The following TASP1 variants were observed in gnomAD, a reference collection of about 807,000 sequenced individuals.
TASP1 encodes the protein threonine aspartase 1.
In TASP1, 16 loss-of-function variants were observed where a neutral mutation model predicts 56.6. The ratio of observed to expected loss-of-function variants is 0.28; its 90% CI spans 0.19 to 0.43. The LOEUF is 0.43. Among genes scored for constraint, TASP1 ranks in the 20% least tolerant of loss-of-function variants. The pLI is 1.00. For missense variants in TASP1, 393 were observed against 511.6 expected, an observed-to-expected ratio of 0.77 and a Z score of 2.24; for synonymous variants, 179 against 184.2, an observed-to-expected ratio of 0.97 and a Z score of 0.23.
At chr20:13,264,959 G>A in the TASP1 span, among the ~76,000 whole-genome samples, 1 of 152,192 alleles carries the variant, frequency 6.6e-6, no homozygotes, top group African/African-American at 2.4e-5. Flanking sequence ...GATGCTACCA[G>A]AGAAGTGGTA....
At chr20:13,283,194 C>T in the TASP1 span, among the ~76,000 whole-genome samples, 1 of 152,090 alleles carries the variant, frequency 6.6e-6, no homozygotes, top group Non-Finnish European at 1.5e-5. Context: ...TCCCACAGAC[C>T]CACTTTTATT....
chr20:13,290,878 G>T, the TASP1 span, among the ~76,000 whole-genome samples: 3 of 152,164 alleles, frequency 2.0e-5, no homozygotes, highest in Non-Finnish European at 4.4e-5. Context: ...GGATTAACTT[G>T]CCTAGAGTCA....
At position 13,510,565 on chromosome 20, in the gene TASP1, A is replaced by T. The variant is rs193152612; in HGVS notation, c.874+17868T>A. On this transcript the variant is annotated intron_variant, in intron 10 of 13. Coordinates refer to ENST00000337743, the MANE Select transcript of TASP1 (RefSeq NM_017714.3). ...TTGGTAAGAACAGATTTAAATGAAAATTACATGATTTTTTTAACTCTCTAA... is the reference window on the plus strand; with the variant it reads ...TTGGTAAGAACAGATTTAAATGAAATTTACATGATTTTTTTAACTCTCTAA... Among the ~76,000 whole-genome samples the T allele has an allele frequency of 3.0e-3, 453 of 152,286 alleles. 2 individuals carry two copies. The highest frequency in any genetic ancestry group is 5.1e-3 in the Non-Finnish European group (344 of 68,028).
chr20:13,147,093 A>G, the TASP1 span, among the ~76,000 whole-genome samples: 1 of 152,130 alleles, frequency 6.6e-6, no homozygotes, highest in Admixed American at 6.5e-5. Context: ...AGCCCTCGAA[A>G]TCAGGCCATG....
At position 13,623,208 on chromosome 20, in the gene TASP1, T is replaced by A. The variant is rs114180045; in HGVS notation, c.282+238A>T. Among the ~76,000 whole-genome samples the A allele has an allele frequency of 8.1e-3, 1,229 of 152,086 alleles. 21 individuals are homozygous for A. Among genetic ancestry groups the A allele is most frequent in the African/African-American group, 0.028 (1,158 of 41,436 alleles). ...ACTTAAGTATCCAATCCTTAACTTT[T>A]GTATTCATGAATCTCACAAAAAAAA... is the stretch of plus-strand genomic sequence containing the variant. On this transcript the variant is annotated intron_variant, in intron 4 of 13. Transcript: ENST00000337743.
chr20:13,361,774 A>G, the TASP1 span, among the ~76,000 whole-genome samples: 1 of 151,924 alleles, frequency 6.6e-6, no homozygotes, highest in African/African-American at 2.4e-5. Flanking sequence ...TGTTTTTCCA[A>G]GCCATCACAG....
At chr20:13,272,851 T>C in the TASP1 span, among the ~76,000 whole-genome samples, 3,868 of 152,304 alleles carry the variant, frequency 0.025, 155 homozygotes, top group African/African-American at 0.084. Context: ...TTATAGATGT[T>C]CTGGTTCCAG....
chr20:13,294,668 T>C, the TASP1 span, among the ~76,000 whole-genome samples: 8 of 152,092 alleles, frequency 5.3e-5, no homozygotes, highest in Non-Finnish European at 1.0e-4. Flanking sequence ...CTTGCAAAGG[T>C]ACAAGCAGAG....
chr20:13,564,852 A>G (rs942176823), intron 7 of TASP1, among the ~76,000 whole-genome samples: 1 of 151,850 alleles, frequency 6.6e-6, no homozygotes, highest in Admixed American at 6.6e-5. Context: ...AATACAAAAA[A>G]AAAATTAGCC....
the TASP1 span, among the ~76,000 whole-genome samples, chr20:13,181,191 A>C: frequency 6.6e-6 from 1 of 152,168 alleles, no homozygotes; most frequent in African/African-American, 2.4e-5. Flanking sequence ...GCAGATAAGC[A>C]CCTTGGCCTC....
At chr20:13,451,134 A>G (rs1022138011) in intron 11 of TASP1, among the ~76,000 whole-genome samples, 2 of 152,136 alleles carry the variant, frequency 1.3e-5, no homozygotes, top group African/African-American at 4.8e-5. Context: ...GTGGGATTAA[A>G]GTATTCAGTA....
the TASP1 span, among the ~76,000 whole-genome samples, chr20:13,227,644 G>A: frequency 2.1e-4 from 32 of 151,532 alleles, no homozygotes; most frequent in Admixed American, 1.5e-3. Flanking sequence ...GGGTAGCTGG[G>A]ACTACAGGCG....
chr20:13,455,436 T>C (rs2043795195), intron 11 of TASP1, among the ~76,000 whole-genome samples: 1 of 152,208 alleles, frequency 6.6e-6, no homozygotes, highest in South Asian at 2.1e-4. Flanking sequence ...ATATAAGACA[T>C]CAGTTTGAAA....
chr20:13,310,461 CT>C, the TASP1 span, among the ~76,000 whole-genome samples: 38 of 151,276 alleles, frequency 2.5e-4, no homozygotes, highest in Non-Finnish European at 4.7e-4. Context: ...AGACCTAAAA[CT>C]GTAAAACAAC....
the TASP1 span, among the ~76,000 whole-genome samples, chr20:13,128,865 C>T: frequency 7.1e-6 from 1 of 140,472 alleles, no homozygotes; most frequent in African/African-American, 2.7e-5. Flanking sequence ...CCACCATGCC[C>T]AGCTAATTTT....
chr20:13,615,804 A>G (rs2048504593), intron 4 of TASP1, among the ~76,000 whole-genome samples: 1 of 152,032 alleles, frequency 6.6e-6, no homozygotes, highest in South Asian at 2.1e-4. Context: ...TGCCAGGCCG[A>G]GAATCTTAAA....
chr20:13,620,265 T>TACACACAC (rs757563847), intron 4 of TASP1, among the ~76,000 whole-genome samples: 17,754 of 145,582 alleles, frequency 0.12, 1,074 homozygotes, highest in East Asian at 0.15. Flanking sequence ...CTGTGGTATT[T>TACACACAC]ACACACACAC....
chr20:13,191,889 T>C, the TASP1 span, among the ~76,000 whole-genome samples: 5 of 152,182 alleles, frequency 3.3e-5, no homozygotes, highest in African/African-American at 1.2e-4. Context: ...CAATTAAAAT[T>C]GTTAATTATA....
chr20:13,270,844 T>A, the TASP1 span: 1 of 1,107,994 alleles, frequency 9.0e-7, no homozygotes, highest in Non-Finnish European at 1.3e-6. Context: ...CTTTTCTTCT[T>A]AACCCCTTAA....
Sources: gnomAD v4.1 joint callset for allele counts (sites outside exome capture counted in the v4.1 genomes callset) on GRCh38, gnomAD v4.1.1 for gene constraint, MANE v1.5 for transcripts, NCBI Gene and HGNC (gene_info 2026-07-23, HGNC 2026-07-21) for gene names.